The following BMPR1B variants were observed in gnomAD, a reference collection of about 807,000 sequenced individuals.
The protein encoded by BMPR1B is bone morphogenetic protein receptor type 1B, also known as bone morphogenetic protein receptor type-1B.
BMPR1B carries 12 observed loss-of-function variants against 59.1 expected under a neutral mutation model. That is an observed-to-expected ratio of 0.20 (90% confidence interval 0.13 to 0.33). BMPR1B has a LOEUF of 0.33. BMPR1B is among the 10% of genes least tolerant of loss of function. BMPR1B has a pLI of 1.00. For synonymous variants in BMPR1B, 237 were observed against 207.3 expected (o/e 1.14, Z -1.23); for missense variants, 550 against 610.9 (o/e 0.90, Z 1.05).
At chr4:94,820,737 C>T (rs1724178012) in intron 1 of BMPR1B, among the ~76,000 whole-genome samples, 1 of 151,752 alleles carries the variant, frequency 6.6e-6, no homozygotes, top group Non-Finnish European at 1.5e-5. Context: ...TACAGGTGTT[C>T]ACAAAATCAT....
chr4:95,113,626 G>A (rs1731790786), intron 4 of BMPR1B, among the ~76,000 whole-genome samples: 1 of 152,164 alleles, frequency 6.6e-6, no homozygotes, highest in Non-Finnish European at 1.5e-5. Context: ...GACATTCAGT[G>A]CTGGTTTATG....
intron 1 of BMPR1B, among the ~76,000 whole-genome samples, chr4:94,806,352 A>C (rs1723603420): frequency 6.6e-6 from 1 of 152,208 alleles, no homozygotes; most frequent in South Asian, 2.1e-4. Context: ...CCAGTGATTC[A>C]CTTTAACTGC....
At chr4:94,958,489 T>C (rs1054831256) in intron 2 of BMPR1B, among the ~76,000 whole-genome samples, 1 of 152,162 alleles carries the variant, frequency 6.6e-6, no homozygotes, top group Non-Finnish European at 1.5e-5. Flanking sequence ...CTTTGCTGCT[T>C]CCTTCTCATC....
intron 2 of BMPR1B, among the ~76,000 whole-genome samples, chr4:94,935,705 G>A (rs1729267425): frequency 6.6e-6 from 1 of 152,208 alleles, no homozygotes; most frequent in African/African-American, 2.4e-5. Context: ...CCTTTGGGTA[G>A]ATGCTGATTT....
intron 2 of BMPR1B, among the ~76,000 whole-genome samples, chr4:94,899,900 T>C (rs17022496): frequency 0.048 from 7,339 of 152,066 alleles, 431 homozygotes; most frequent in African/African-American, 0.14. Context: ...GGTACAATTA[T>C]AGTTTCAGGT....
At chr4:94,835,821 C>A (rs11942643) in intron 1 of BMPR1B, among the ~76,000 whole-genome samples, 24,404 of 151,512 alleles carry the variant, frequency 0.16, 2,122 homozygotes, top group Non-Finnish European at 0.19. Flanking sequence ...AGGTTAGTTA[C>A]ATATGTATAC....
intron 2 of BMPR1B, among the ~76,000 whole-genome samples, chr4:94,918,387 C>A (rs1263712078): frequency 6.6e-6 from 1 of 152,080 alleles, no homozygotes; most frequent in Non-Finnish European, 1.5e-5. Flanking sequence ...CAAAGAAATG[C>A]AACTTCTGGA....
chr4:94,763,562 T>C (rs1310089003), intron 1 of BMPR1B, among the ~76,000 whole-genome samples: 1 of 152,088 alleles, frequency 6.6e-6, no homozygotes, highest in Non-Finnish European at 1.5e-5. Flanking sequence ...ACTTATCGGC[T>C]AAAGGAAAAA....
intron 2 of BMPR1B, among the ~76,000 whole-genome samples, chr4:94,898,289 T>C (rs1284076563): frequency 6.6e-6 from 1 of 152,020 alleles, no homozygotes; most frequent in Non-Finnish European, 1.5e-5. Context: ...AAATGTAGTT[T>C]AAATTTGCTA....
At chr4:94,956,939 G>T (rs573877115) in intron 2 of BMPR1B, among the ~76,000 whole-genome samples, 1 of 152,104 alleles carries the variant, frequency 6.6e-6, no homozygotes, top group Non-Finnish European at 1.5e-5. Context: ...TATAAATTAA[G>T]AGGTAACTAA....
chr4:95,121,103 C>T (rs1732491927), intron 6 of BMPR1B, among the ~76,000 whole-genome samples: 1 of 152,178 alleles, frequency 6.6e-6, no homozygotes, highest in African/African-American at 2.4e-5. Flanking sequence ...CCACTGTGCC[C>T]AGCCAGTCAG....
rs1337485372 is a variant in BMPR1B, at chr4:95,131,606, G to A, written c.1076+94G>A. 3 of 1,391,414 alleles carry A rather than the reference G, an allele frequency of 2.2e-6. No individual in the cohort carries two copies. In the South Asian group the frequency reaches 3.7e-5, roughly 17 times the overall value. The allele number at this position is 1,391,414 out of a possible 1,614,324, so 86.2% of individuals were successfully genotyped here. On this transcript the variant is annotated intron_variant, in intron 10 of 12. Transcript: ENST00000515059. ...TGCTTCTAGGATATTTAGTAGAAGA[G>A]GAATATCATTAATTTTGACATTTGA...
intron 1 of BMPR1B, among the ~76,000 whole-genome samples, chr4:94,813,099 A>C (rs986203369): frequency 6.6e-6 from 1 of 152,066 alleles, no homozygotes. Flanking sequence ...CAGAGCACCT[A>C]TGTATGCTCA....
At chr4:95,003,659 A>G (rs571860608) in intron 3 of BMPR1B, among the ~76,000 whole-genome samples, 4 of 152,230 alleles carry the variant, frequency 2.6e-5, no homozygotes, top group Admixed American at 6.6e-5. Context: ...AATCCTTCTA[A>G]TAGACCATTG....
intron 2 of BMPR1B, among the ~76,000 whole-genome samples, chr4:94,928,910 T>C (rs1259382952): frequency 6.6e-6 from 1 of 152,088 alleles, no homozygotes; most frequent in Admixed American, 6.6e-5. Flanking sequence ...GATAAATTAA[T>C]TTTACTATTC....
At chr4:95,054,773 A>T (rs1726793767) in intron 3 of BMPR1B, among the ~76,000 whole-genome samples, 1 of 152,182 alleles carries the variant, frequency 6.6e-6, no homozygotes, top group Non-Finnish European at 1.5e-5. Flanking sequence ...AAAGTTATAA[A>T]GATGGTAGAC....
intron 10 of BMPR1B, among the ~76,000 whole-genome samples, chr4:95,145,084 T>C (rs767394454): frequency 6.6e-6 from 1 of 152,244 alleles, no homozygotes; most frequent in East Asian, 1.9e-4. Context: ...CCATGTAATA[T>C]GAACAGATGT....
intron 3 of BMPR1B, among the ~76,000 whole-genome samples, chr4:95,092,009 T>C (rs1251157702): frequency 6.6e-6 from 1 of 152,126 alleles, no homozygotes; most frequent in Non-Finnish European, 1.5e-5. Context: ...TTAAATTTTT[T>C]ATAGTTTTTG....
At chr4:94,865,952 A>G (rs559856672) in intron 1 of BMPR1B, among the ~76,000 whole-genome samples, 16 of 152,260 alleles carry the variant, frequency 1.1e-4, no homozygotes, top group Admixed American at 2.6e-4. Context: ...TTTAGAGTAT[A>G]CTACTTACTG....
Sources: allele counts gnomAD v4.1 joint callset (sites outside exome capture counted in the v4.1 genomes callset), GRCh38; gene constraint gnomAD v4.1.1; transcripts MANE v1.5; gene names NCBI Gene and HGNC (gene_info 2026-07-23, HGNC 2026-07-21).